Variants in ZNF782 observed in about 807,000 individuals in gnomAD.
ZNF782 encodes zinc finger protein 782.
In ZNF782, 12 loss-of-function variants were observed where a neutral mutation model predicts 13.0. The ratio of observed to expected loss-of-function variants is 0.92; its 90% confidence interval spans 0.59 to 1.50. The LOEUF is 1.50. Ranked by LOEUF, ZNF782 falls within the 40% of genes most tolerant of loss-of-function variation. The pLI is 0.00. For synonymous variants in ZNF782, 284 were observed against 283.0 expected (o/e 1.00, Z -0.04); for missense variants, 770 against 822.9 (o/e 0.94, Z 0.79).
chr9:96,820,498 T>G (rs553961800), intron 5 of ZNF782, among the ~76,000 whole-genome samples: 16 of 152,232 alleles, frequency 1.1e-4, no homozygotes, highest in African/African-American at 3.8e-4. Context: ...CTGCCCTAGC[T>G]CTGGTGACTT....
At chr9:96,867,996 A>G (rs1851779443) in intron 1 of ZNF782, among the ~76,000 whole-genome samples, 1 of 152,222 alleles carries the variant, frequency 6.6e-6, no homozygotes, top group South Asian at 2.1e-4. Context: ...TAACAAAAAA[A>G]CACTGCCTAT....
chr9:96,875,761 C>T, upstream of ZNF782: 1 of 366,768 alleles, frequency 2.7e-6, no homozygotes, highest in South Asian at 2.0e-5. Context: ...TAGAAGTTGA[C>T]AGGCTGTGGG....
intron 1 of ZNF782, among the ~76,000 whole-genome samples, chr9:96,872,997 G>A (rs1851845058): frequency 6.6e-6 from 1 of 151,942 alleles, no homozygotes; most frequent in African/African-American, 2.4e-5. Flanking sequence ...TTGTACAGAG[G>A]GTGGCTCAGA....
the ZNF782 span, among the ~76,000 whole-genome samples, chr9:96,920,239 T>C: frequency 1.3e-5 from 2 of 149,506 alleles, no homozygotes; most frequent in South Asian, 4.3e-4. Flanking sequence ...ATGCAGTGGA[T>C]AGGTGTCTGC....
intron 3 of ZNF782, among the ~76,000 whole-genome samples, chr9:96,848,428 A>G (rs1213146687): frequency 6.6e-6 from 1 of 152,230 alleles, no homozygotes; most frequent in Non-Finnish European, 1.5e-5. Flanking sequence ...GACTCCTCCA[A>G]AAGACTCCTA....
chr9:96,921,862 T>A, the ZNF782 span, among the ~76,000 whole-genome samples: 1 of 150,784 alleles, frequency 6.6e-6, no homozygotes, highest in African/African-American at 2.4e-5. Context: ...CCCAGCTAAT[T>A]TTCGTATTTT....
In ZNF782 at chr9:96,819,725, G is replaced by A; in HGVS notation, c.298C>T (p.His100Tyr). ...SEKSPENQGKHLLQVLFTNKL... is the reference protein window; with the variant it reads ...SEKSPENQGKYLLQVLFTNKL... The stretch of plus-strand genomic sequence containing the variant: ...TTGGTGAATAAAACTTGCAACAAAT[G>A]TTTGCCTTGATTTTCTGGGCTCTTC... The change falls in exon 6 of 6, where the codon CAT becomes TAT. Residue 100 changes from histidine to tyrosine, a missense_variant. His to Tyr is a moderately conservative substitution (Grantham distance 83). Transcript: ENST00000481138. 2 of 1,611,318 alleles carry A rather than the reference G, an allele frequency of 1.2e-6. No individual in the cohort carries two copies. Among genetic ancestry groups the A allele is most frequent in the South Asian group, 1.1e-5 (1 of 90,336 alleles).
chr9:96,848,936 A>C (rs1040309492), intron 3 of ZNF782, among the ~76,000 whole-genome samples: 1 of 152,258 alleles, frequency 6.6e-6, no homozygotes, highest in Non-Finnish European at 1.5e-5. Flanking sequence ...CTACAAGGCT[A>C]TAATTCCCAA....
chr9:96,919,559 A>G, the ZNF782 span, among the ~76,000 whole-genome samples: 4 of 123,492 alleles, frequency 3.2e-5, no homozygotes, highest in Non-Finnish European at 4.9e-5. Flanking sequence ...AAGGGTTCTC[A>G]AATGAGTTTT....
chr9:96,845,348 G>A (rs113751582), intron 3 of ZNF782, among the ~76,000 whole-genome samples: 2 of 151,940 alleles, frequency 1.3e-5, no homozygotes, highest in African/African-American at 2.4e-5. Flanking sequence ...TGCAACCTCC[G>A]CATTCCTGGG....
At chr9:96,933,087 C>A in the ZNF782 span, among the ~76,000 whole-genome samples, 1 of 150,396 alleles carries the variant, frequency 6.6e-6, no homozygotes, top group African/African-American at 2.5e-5. Flanking sequence ...ACGTCATTCT[C>A]CTGCCTCAGG....
At chr9:96,930,213 G>GT in the ZNF782 span, among the ~76,000 whole-genome samples, 1 of 151,602 alleles carries the variant, frequency 6.6e-6, no homozygotes, top group South Asian at 2.1e-4. Flanking sequence ...ACTATTTAGT[G>GT]TAACATGACT....
chr9:96,816,308 AT>A lies in ZNF782; in HGVS notation c.*1614del, dbSNP rs1236238065. Among the ~76,000 whole-genome samples, 1 of 152,194 alleles carries A rather than the reference AT, an allele frequency of 6.6e-6. No individual in the cohort carries two copies. Among genetic ancestry groups the A allele is most frequent in the Non-Finnish European group, 1.5e-5 (1 of 68,032 alleles). On this transcript the variant is annotated 3_prime_UTR_variant, in exon 6 of 6. Transcript: ENST00000481138. The stretch of plus-strand genomic sequence containing the variant: ...TTTGTTATTAATATTCATGTGGCAA[AT>A]TGTAGCTGATGTCAAAGTAGTTATA...
chr9:96,862,994 A>G lies in ZNF782; in HGVS notation c.-456-1391T>C, dbSNP rs1306595639. 2.0e-5 allele frequency among the ~76,000 whole-genome samples: 3 copies of G among 152,194 alleles called. No homozygotes were observed. The East Asian group carries it at 5.8e-4, about 29-fold the overall frequency. On this transcript the variant is annotated intron_variant, in intron 1 of 5. Transcript: ENST00000498811. ...TCCAGAAGCAGTGGTGGCAGAGGCC[A>G]GCTCCAAGATGCCCAGTTCTACACA...
intron 4 of ZNF782, among the ~76,000 whole-genome samples, chr9:96,838,388 A>T (rs1459297358): frequency 6.6e-6 from 1 of 152,230 alleles, no homozygotes; most frequent in Non-Finnish European, 1.5e-5. Flanking sequence ...GTTGGCTGAC[A>T]CTGCTGTTCA....
chr9:96,928,333 G>GGC, the ZNF782 span: 1 of 223,674 alleles, frequency 4.5e-6, no homozygotes, highest in African/African-American at 2.4e-5. Flanking sequence ...GGGACGGGAA[G>GGC]TAAGGCTGGC....
the ZNF782 span, among the ~76,000 whole-genome samples, chr9:96,901,520 C>T: frequency 6.6e-6 from 1 of 151,886 alleles, no homozygotes; most frequent in African/African-American, 2.4e-5. Context: ...GATCCTCCCA[C>T]CTCGGCCTCC....
chr9:96,888,024 G>A, the ZNF782 span: 1 of 111,488 alleles, frequency 9.0e-6, no homozygotes, highest in African/African-American at 3.4e-5. Context: ...GTTGTGGGGT[G>A]GGGGGAGGGG....
chr9:96,886,547 C>A, the ZNF782 span, among the ~76,000 whole-genome samples: 1 of 152,154 alleles, frequency 6.6e-6, no homozygotes. Context: ...AACATCAGTA[C>A]TAGTAGACTG....
Sources: gnomAD v4.1 joint callset for allele counts (sites outside exome capture counted in the v4.1 genomes callset) on GRCh38, gnomAD v4.1.1 for gene constraint, MANE v1.5 for transcripts, NCBI Gene and HGNC (gene_info 2026-07-23, HGNC 2026-07-21) for gene names.